INSL6: variants seen among roughly 807,000 people sequenced by gnomAD.
INSL6 encodes insulin like 6, also known as insulin-like peptide INSL6.
Under a neutral mutation model 9.4 loss-of-function variants are expected in INSL6, and 16 were observed. The observed-to-expected ratio is 1.70, with a 90% CI of 1.15 to 2.59. The LOEUF is 2.59. Ranked by LOEUF, INSL6 falls within the 30% of genes most tolerant of loss-of-function variation. The pLI is 0.00. For missense variants in INSL6, 391 were observed against 257.3 expected, an observed-to-expected ratio of 1.52 and a Z score of -3.56; for synonymous variants, 154 against 96.9, an observed-to-expected ratio of 1.59 and a Z score of -3.46.
At chr9:5,107,288 T>C in the INSL6 span, among the ~76,000 whole-genome samples, 1 of 152,106 alleles carries the variant, frequency 6.6e-6, no homozygotes, top group African/African-American at 2.4e-5. Context: ...CTAATTACAT[T>C]TTTACTTCCA....
At chr9:5,167,113 A>C (rs969207822) in intron 1 of INSL6, among the ~76,000 whole-genome samples, 6 of 152,160 alleles carry the variant, frequency 3.9e-5, no homozygotes, top group African/African-American at 1.4e-4. Context: ...AGCAAGGAAA[A>C]GCACAGTGGA....
intron 1 of INSL6, among the ~76,000 whole-genome samples, chr9:5,169,703 ACAGCAAGGGTTG>A (rs1825135891): frequency 1.3e-5 from 2 of 152,192 alleles, no homozygotes; most frequent in Non-Finnish European, 2.9e-5. Context: ...AAAACAGAAA[ACAGCAAGGGTTG>A]CAATCCTAGT....
At chr9:5,163,797 T>G, downstream of INSL6, 2 of 698,008 alleles carry the variant, frequency 2.9e-6, no homozygotes, top group South Asian at 3.6e-5. Flanking sequence ...GTCAAGTGCT[T>G]GCAAGTACAT....
chr9:5,067,715 T>A, the INSL6 span, among the ~76,000 whole-genome samples: 3 of 152,086 alleles, frequency 2.0e-5, no homozygotes, highest in Non-Finnish European at 2.9e-5. Context: ...AGCTATGTAT[T>A]ATAGAGTTTA....
the INSL6 span, among the ~76,000 whole-genome samples, chr9:4,992,826 G>A: frequency 1.7e-4 from 26 of 152,272 alleles, no homozygotes; most frequent in South Asian, 4.4e-3. Flanking sequence ...ACAGTCTGTA[G>A]CAATTCTGCA....
chr9:5,115,261 G>A, the INSL6 span, among the ~76,000 whole-genome samples: 12 of 152,248 alleles, frequency 7.9e-5, no homozygotes, highest in Admixed American at 7.2e-4. Flanking sequence ...GATATGAACA[G>A]ACACTTCTCA....
chr9:5,069,859 C>A, the INSL6 span: 4 of 1,049,858 alleles, frequency 3.8e-6, no homozygotes, highest in South Asian at 4.0e-5. Context: ...TCATTTTACT[C>A]CTCTTTGGAG....
chr9:5,067,247 AACTG>A, the INSL6 span, among the ~76,000 whole-genome samples: 1 of 152,260 alleles, frequency 6.6e-6, no homozygotes, highest in Non-Finnish European at 1.5e-5. Flanking sequence ...AAGCACTTTT[AACTG>A]ATGATTTTCT....
At chr9:5,101,762 T>G in the INSL6 span, among the ~76,000 whole-genome samples, 1 of 152,046 alleles carries the variant, frequency 6.6e-6, no homozygotes, top group East Asian at 1.9e-4. Flanking sequence ...GCAAACAGAG[T>G]CTGGAGTGGA....
the INSL6 span, among the ~76,000 whole-genome samples, chr9:5,009,754 T>G: frequency 6.6e-6 from 1 of 152,102 alleles, no homozygotes; most frequent in South Asian, 2.1e-4. Flanking sequence ...TTCCTCTGTG[T>G]ATTTTTTTTC....
At chr9:5,042,817 C>G in the INSL6 span, among the ~76,000 whole-genome samples, 1 of 152,194 alleles carries the variant, frequency 6.6e-6, no homozygotes, top group Admixed American at 6.5e-5. Flanking sequence ...GGGGCCGCGG[C>G]TGAAGCCAGC....
At chr9:5,141,573 T>C (rs1824502636) in intron 2 of INSL6, among the ~76,000 whole-genome samples, 1 of 152,206 alleles carries the variant, frequency 6.6e-6, no homozygotes, top group Non-Finnish European at 1.5e-5. Flanking sequence ...AATGGGTTTT[T>C]TCTTTTAAAT....
chr9:5,157,244 C>T (rs796713385), intron 2 of INSL6, among the ~76,000 whole-genome samples: 3 of 152,178 alleles, frequency 2.0e-5, no homozygotes, highest in African/African-American at 7.2e-5. Flanking sequence ...AAATAGTAAA[C>T]TGTTTCTAAA....
the INSL6 span, among the ~76,000 whole-genome samples, chr9:5,113,263 G>T: frequency 8.1e-6 from 1 of 123,352 alleles, no homozygotes; most frequent in African/African-American, 3.1e-5. Context: ...CATACACTTT[G>T]TCAGAAAAGA....
chr9:5,128,727 T>C (rs1037449072), intron 3 of INSL6, among the ~76,000 whole-genome samples: 3 of 151,980 alleles, frequency 2.0e-5, no homozygotes, highest in Admixed American at 6.6e-5. Flanking sequence ...CTTCTTTTCA[T>C]TGAGGCTTCG....
chr9:5,102,072 T>C, the INSL6 span, among the ~76,000 whole-genome samples: 1 of 152,084 alleles, frequency 6.6e-6, no homozygotes, highest in African/African-American at 2.4e-5. Context: ...CTTCAGAAGG[T>C]TGGTAATAAC....
At chr9:5,007,516 G>T in the INSL6 span, among the ~76,000 whole-genome samples, 1 of 151,724 alleles carries the variant, frequency 6.6e-6, no homozygotes, top group African/African-American at 2.4e-5. Context: ...GCATACGTGA[G>T]TTTTTTTTGT....
the INSL6 span, among the ~76,000 whole-genome samples, chr9:5,069,522 C>T: frequency 8.8e-3 from 1,335 of 151,924 alleles, 17 homozygotes; most frequent in African/African-American, 0.029. Context: ...TCATATACTT[C>T]GAGGATTTTA....
the INSL6 span, chr9:5,112,102 G>A: frequency 2.9e-6 from 1 of 350,030 alleles, no homozygotes; most frequent in Non-Finnish European, 5.7e-6. Flanking sequence ...CTACCTGAAC[G>A]AGGGCATCCA....
Sources: gnomAD v4.1 joint callset for allele counts (sites outside exome capture counted in the v4.1 genomes callset) on GRCh38, gnomAD v4.1.1 for gene constraint, MANE v1.5 for transcripts, NCBI Gene and HGNC (gene_info 2026-07-23, HGNC 2026-07-21) for gene names.